TBL1XR1: variants seen among roughly 807,000 people sequenced by gnomAD.
TBL1XR1 encodes the protein TBL1X/Y related 1.
Under a neutral mutation model 66.9 loss-of-function variants are expected in TBL1XR1, and 5 were observed. The observed-to-expected ratio is 0.07, with a 90% CI of 0.04 to 0.16. The LOEUF (loss-of-function observed/expected upper bound fraction) is 0.16. Among genes scored for constraint, TBL1XR1 ranks in the 10% least tolerant of loss-of-function variants. TBL1XR1 has a pLI of 1.00. For synonymous variants in TBL1XR1, 210 were observed against 206.0 expected, an observed-to-expected ratio of 1.02 and a Z score of -0.17; for missense variants, 238 against 623.2, an observed-to-expected ratio of 0.38 and a Z score of 6.58.
chr3:177,112,568 T>A (rs1312855935), intron 1 of TBL1XR1, among the ~76,000 whole-genome samples: 3 of 152,178 alleles, frequency 2.0e-5, no homozygotes, highest in African/African-American at 4.8e-5. Context: ...AACTCTACAT[T>A]GCTGGCACAC....
intron 1 of TBL1XR1, among the ~76,000 whole-genome samples, chr3:177,166,187 G>A (rs1333395731): frequency 1.3e-5 from 2 of 152,198 alleles, no homozygotes; most frequent in East Asian, 3.9e-4. Flanking sequence ...AGGAGTTTGA[G>A]ACCAGCTTGG....
chr3:177,186,924 T>C (rs867875390), intron 1 of TBL1XR1, among the ~76,000 whole-genome samples: 36 of 152,026 alleles, frequency 2.4e-4, no homozygotes, highest in African/African-American at 8.2e-4. Flanking sequence ...TCCAGCACTT[T>C]GGGAGGCCGA....
intron 1 of TBL1XR1, among the ~76,000 whole-genome samples, chr3:177,178,861 T>G (rs1220037326): frequency 6.6e-6 from 1 of 152,130 alleles, no homozygotes; most frequent in Non-Finnish European, 1.5e-5. Context: ...TTCACGCCTG[T>G]AACCCCAGCA....
intron 2 of TBL1XR1, among the ~76,000 whole-genome samples, chr3:177,082,595 A>G (rs1189052223): frequency 6.6e-6 from 1 of 151,346 alleles, no homozygotes; most frequent in Non-Finnish European, 1.5e-5. Flanking sequence ...AGTTATGCGT[A>G]ACACTAGATG....
At chr3:177,101,239 A>G (rs952281212) in intron 1 of TBL1XR1, among the ~76,000 whole-genome samples, 3 of 152,114 alleles carry the variant, frequency 2.0e-5, no homozygotes, top group Admixed American at 1.3e-4. Flanking sequence ...TAGTTTAAGT[A>G]CTGGCTCCGC....
intron 1 of TBL1XR1, among the ~76,000 whole-genome samples, chr3:177,158,552 C>T (rs1489381937): frequency 6.6e-6 from 1 of 151,998 alleles, no homozygotes; most frequent in Non-Finnish European, 1.5e-5. Context: ...AACAAGACTA[C>T]AACTGACAGA....
intron 9 of TBL1XR1, among the ~76,000 whole-genome samples, chr3:177,046,866 T>C (rs1716396604): frequency 6.6e-6 from 1 of 152,144 alleles, no homozygotes; most frequent in African/African-American, 2.4e-5. Flanking sequence ...TATTTCCAAC[T>C]CATCTATATT....
chr3:177,057,680 CAA>C (rs1288905637), intron 3 of TBL1XR1, among the ~76,000 whole-genome samples: 1 of 151,956 alleles, frequency 6.6e-6, no homozygotes, highest in Non-Finnish European at 1.5e-5. Context: ...TAATAGGAGG[CAA>C]AAGAGACCAC....
intron 1 of TBL1XR1, among the ~76,000 whole-genome samples, chr3:177,196,732 G>A (rs1358726734): frequency 1.0e-5 from 1 of 98,466 alleles, no homozygotes; most frequent in South Asian, 2.9e-4. Flanking sequence ...TTTCCTGAAA[G>A]CCTCCCCCCC....
intron 1 of TBL1XR1, among the ~76,000 whole-genome samples, chr3:177,162,908 T>C (rs1230183490): frequency 2.0e-5 from 3 of 152,224 alleles, no homozygotes; most frequent in South Asian, 2.1e-4. Flanking sequence ...GGTAACACTA[T>C]GTTGGCAAGA....
At position 177,034,388 on chromosome 3, in the gene TBL1XR1, ATT is replaced by A. The variant is rs1714466972; in HGVS notation, c.1123-65_1123-64del. The A allele has an allele frequency of 4.2e-6, 5 of 1,202,354 alleles. No individual in the cohort carries two copies. The African/African-American group carries it at 7.9e-5, about 19-fold the overall frequency. 74.5% of individuals were successfully genotyped at this position (1,202,354 alleles called of 1,614,324 possible). A position where few individuals can be genotyped will look rare whatever the true frequency, so the allele number is the denominator to read the frequency against. ...ATACAATGAGTATATTTAAAATATTATTTTGACACTTAAAATATTATATGGAC... is the reference window on the plus strand; with the variant it reads ...ATACAATGAGTATATTTAAAATATTATTGACACTTAAAATATTATATGGAC... On this transcript the variant is annotated intron_variant, in intron 12 of 15. Transcript: ENST00000457928.
intron 2 of TBL1XR1, among the ~76,000 whole-genome samples, chr3:177,088,259 A>G (rs934738373): frequency 6.6e-6 from 1 of 152,240 alleles, no homozygotes; most frequent in Non-Finnish European, 1.5e-5. Flanking sequence ...GAGCAGTGAC[A>G]TAACGCCATG....
chr3:177,132,168 A>G (rs568258773), intron 1 of TBL1XR1, among the ~76,000 whole-genome samples: 1 of 152,146 alleles, frequency 6.6e-6, no homozygotes, highest in South Asian at 2.1e-4. Context: ...GAGCCCCTTG[A>G]GGTTTCTGCC....
In TBL1XR1 at chr3:177,152,425, T is replaced by A. The variant is rs138163329; in HGVS notation, c.-122+44696A>T. Among the ~76,000 whole-genome samples, 273 of 152,250 alleles carry A rather than the reference T, an allele frequency of 1.8e-3. 2 individuals carry two copies. Among genetic ancestry groups the A allele is most frequent in the African/African-American group, 6.4e-3 (268 of 41,558 alleles). On this transcript the variant is annotated intron_variant, in intron 1 of 15. Transcript: ENST00000457928. ...CCGCCTCCTGGGTTTAAACTGGGAT[T>A]ACAGGCACCCACCACCACGCCCGGC...
chr3:177,026,994 T>C (rs1470610075), intron 14 of TBL1XR1: 1 of 152,530 alleles, frequency 6.6e-6, no homozygotes, highest in Non-Finnish European at 1.5e-5. Flanking sequence ...TAAAATAATG[T>C]ATGTATGTTC....
chr3:177,116,632 A>G (rs537027526), intron 1 of TBL1XR1, among the ~76,000 whole-genome samples: 193 of 152,312 alleles, frequency 1.3e-3, no homozygotes, highest in African/African-American at 4.4e-3. Flanking sequence ...GGGATAGAAT[A>G]AGAACTACAA....
chr3:177,181,888 G>A (rs1467351415), intron 1 of TBL1XR1, among the ~76,000 whole-genome samples: 1 of 151,770 alleles, frequency 6.6e-6, no homozygotes, highest in Non-Finnish European at 1.5e-5. Context: ...TAAATATCAG[G>A]AAGAAGTGGG....
chr3:177,096,026 T>TA (rs1247622616), intron 2 of TBL1XR1, among the ~76,000 whole-genome samples: 3 of 152,106 alleles, frequency 2.0e-5, no homozygotes, highest in Non-Finnish European at 4.4e-5. Context: ...TTTTAAATTT[T>TA]AAGAGAAAAA....
At chr3:177,187,943 CT>C (rs571361204) in intron 1 of TBL1XR1, among the ~76,000 whole-genome samples, 254 of 77,836 alleles carry the variant, frequency 3.3e-3, no homozygotes, top group South Asian at 0.018. Flanking sequence ...GTACAATTTC[CT>C]TTTTTTTTTT....
Sources: allele counts gnomAD v4.1 joint callset (sites outside exome capture counted in the v4.1 genomes callset), GRCh38; gene constraint gnomAD v4.1.1; transcripts MANE v1.5; gene names NCBI Gene and HGNC (gene_info 2026-07-23, HGNC 2026-07-21).